Variants in NBEA observed in about 807,000 individuals in gnomAD.
The protein encoded by NBEA is lysosomal-trafficking regulator 2.
NBEA carries 44 observed loss-of-function variants against 343.4 expected under a neutral mutation model. That is an observed-to-expected ratio of 0.13 (90% CI 0.10 to 0.16). NBEA has a LOEUF of 0.16. NBEA is among the 10% of genes least tolerant of loss of function. The probability of loss-of-function intolerance (pLI) is 1.00; values close to 1 mark genes in which losing one functional copy is unlikely to be tolerated. For missense variants in NBEA, 2,555 were observed against 3,631.3 expected (o/e 0.70, Z 7.62); for synonymous variants, 1,175 against 1,238.7 (o/e 0.95, Z 1.08).
chr13:35,106,383 T>A (rs988781694), intron 11 of NBEA, among the ~76,000 whole-genome samples: 10 of 152,000 alleles, frequency 6.6e-5, no homozygotes, highest in African/African-American at 1.9e-4. Flanking sequence ...CCAGGCTGTG[T>A]TTTTTCCTAC....
At chr13:35,125,815 TAAAC>T (rs2067097583) in intron 17 of NBEA, among the ~76,000 whole-genome samples, 1 of 151,424 alleles carries the variant, frequency 6.6e-6, no homozygotes, top group South Asian at 2.1e-4. Flanking sequence ...AAGTTAAAAA[TAAAC>T]AAATGCATAC....
In NBEA at chr13:35,159,849, G is replaced by A. The variant is rs867982016; in HGVS notation, c.3678G>A (p.Ala1226=). Reference sequence around the variant, plus strand: ...GCAGTATTTCTGAAAGAGACTTAGCGTCATCAACTAAGGGGCTGGAGTATG... The same window carrying A: ...GCAGTATTTCTGAAAGAGACTTAGCATCATCAACTAAGGGGCTGGAGTATG... ...GMSSISERDL[A]SSTKGLEYAE... is the part of the protein sequence containing the mutation. The change falls in exon 22 of 59, where the codon GCG becomes GCA. Residue 1226 remains alanine (A), a synonymous_variant. Coordinates refer to ENST00000379939, the MANE Select transcript of NBEA (RefSeq NM_001385012.1). 15 of 1,607,216 alleles carry A rather than the reference G, an allele frequency of 9.3e-6. No homozygotes were observed. The highest frequency in any genetic ancestry group is 3.3e-4 in the Middle Eastern group (2 of 6,074).
intron 41 of NBEA, among the ~76,000 whole-genome samples, chr13:35,498,457 G>A (rs1221632756): frequency 6.6e-6 from 1 of 152,008 alleles, no homozygotes; most frequent in Non-Finnish European, 1.5e-5. Context: ...TATACCACAT[G>A]AGAGCATCAT....
chr13:34,990,598 C>T (rs991105924), intron 1 of NBEA, among the ~76,000 whole-genome samples: 19 of 150,832 alleles, frequency 1.3e-4, no homozygotes, highest in Non-Finnish European at 2.5e-4. Flanking sequence ...TCCCTTAGGC[C>T]TCTGGGCCTT....
chr13:35,597,584 A>C (rs1378065593), intron 47 of NBEA, among the ~76,000 whole-genome samples: 1 of 152,156 alleles, frequency 6.6e-6, no homozygotes, highest in Non-Finnish European at 1.5e-5. Context: ...ACAGTCCTTG[A>C]AACAATCCTA....
At chr13:35,283,339 AAACTT>A (rs576912106) in intron 34 of NBEA, among the ~76,000 whole-genome samples, 32 of 152,264 alleles carry the variant, frequency 2.1e-4, no homozygotes, top group African/African-American at 7.5e-4. Context: ...AACTACAATT[AAACTT>A]AACTTTGTTT....
intron 2 of NBEA, among the ~76,000 whole-genome samples, chr13:35,044,593 G>A (rs191253441): frequency 7.2e-6 from 1 of 138,684 alleles, no homozygotes; most frequent in African/African-American, 2.7e-5. Context: ...CACACAGCAG[G>A]CTGTGTTGTG....
chr13:35,273,547 C>T (rs1421028746), intron 34 of NBEA, among the ~76,000 whole-genome samples: 2 of 151,838 alleles, frequency 1.3e-5, no homozygotes, highest in African/African-American at 4.8e-5. Flanking sequence ...CACAAAAAAC[C>T]CTTCAAAAAA....
chr13:35,028,465 A>G (rs1029325373), intron 1 of NBEA, among the ~76,000 whole-genome samples: 2 of 151,864 alleles, frequency 1.3e-5, no homozygotes, highest in South Asian at 2.1e-4. Context: ...CTGATAGTAT[A>G]TAGAAATAGA....
intron 43 of NBEA, among the ~76,000 whole-genome samples, chr13:35,554,556 T>TCACAA (rs2079495608): frequency 6.6e-6 from 1 of 152,224 alleles, no homozygotes; most frequent in South Asian, 2.1e-4. Flanking sequence ...ACTCTGTGTG[T>TCACAA]GTGAAGGCAA....
chr13:35,389,801 C>G (rs914673811), intron 38 of NBEA, among the ~76,000 whole-genome samples: 11 of 152,134 alleles, frequency 7.2e-5, no homozygotes, highest in African/African-American at 2.6e-4. Context: ...AAGAAAGGAG[C>G]ACAGATAAAG....
At chr13:35,351,617 C>T (rs2040205296) in intron 37 of NBEA, among the ~76,000 whole-genome samples, 1 of 151,854 alleles carries the variant, frequency 6.6e-6, no homozygotes, top group South Asian at 2.1e-4. Context: ...GTCTCAGCTC[C>T]TCATTTACAA....
At chr13:35,290,140 T>C (rs2035709781) in intron 34 of NBEA, among the ~76,000 whole-genome samples, 1 of 151,718 alleles carries the variant, frequency 6.6e-6, no homozygotes, top group South Asian at 2.1e-4. Flanking sequence ...TTTTCGAGTA[T>C]TTTCACATCA....
intron 17 of NBEA, among the ~76,000 whole-genome samples, chr13:35,130,747 T>G (rs2067376058): frequency 6.6e-6 from 1 of 151,880 alleles, no homozygotes; most frequent in South Asian, 2.1e-4. Flanking sequence ...ATTATTTAAA[T>G]GAGACCATAA....
chr13:34,973,696 T>A (rs1054369142), intron 1 of NBEA, among the ~76,000 whole-genome samples: 1 of 152,114 alleles, frequency 6.6e-6, no homozygotes, highest in Non-Finnish European at 1.5e-5. Context: ...CCACAGGAAC[T>A]CTGTCCCAGG....
intron 10 of NBEA, among the ~76,000 whole-genome samples, chr13:35,082,365 C>T (rs1448074087): frequency 6.6e-6 from 1 of 152,118 alleles, no homozygotes; most frequent in African/African-American, 2.4e-5. Context: ...GTGAATAGTG[C>T]CTCAATAAAC....
At chr13:35,431,828 T>G (rs1281933692) in intron 38 of NBEA, among the ~76,000 whole-genome samples, 1 of 152,190 alleles carries the variant, frequency 6.6e-6, no homozygotes, top group East Asian at 1.9e-4. Flanking sequence ...TAATTCAGCC[T>G]ACTAAGAAAC....
chr13:35,124,214 A>G (rs1203834635), intron 17 of NBEA, among the ~76,000 whole-genome samples: 2 of 150,306 alleles, frequency 1.3e-5, no homozygotes, highest in Non-Finnish European at 3.0e-5. Context: ...TTTAAATGTT[A>G]CTAGATGAGG....
At chr13:35,445,792 A>ATATATATATATATATATATATG (rs1555267107) in intron 39 of NBEA, among the ~76,000 whole-genome samples, 12 of 78,216 alleles carry the variant, frequency 1.5e-4, no homozygotes, top group Non-Finnish European at 2.4e-4. Flanking sequence ...TTATATATAT[A>ATATATATATATATATATATATG]TATATATATA....
Sources: gnomAD v4.1 joint callset for allele counts (sites outside exome capture counted in the v4.1 genomes callset) on GRCh38, gnomAD v4.1.1 for gene constraint, MANE v1.5 for transcripts, NCBI Gene and HGNC (gene_info 2026-07-23, HGNC 2026-07-21) for gene names.